Variants in COL22A1 observed in about 807,000 individuals in gnomAD.
COL22A1 encodes the protein collagen alpha-1(XXII) chain.
COL22A1 carries 221 observed loss-of-function variants against 248.9 expected under a neutral mutation model. The observed-to-expected ratio is 0.89, with a 90% CI of 0.80 to 0.99. COL22A1 has a LOEUF of 0.99. COL22A1 is among the 50% of genes least tolerant of loss of function. The probability of loss-of-function intolerance (pLI) is 0.00; values close to 1 mark genes in which losing one functional copy is unlikely to be tolerated. For missense variants in COL22A1, 2,240 were observed against 2,179.0 expected (o/e 1.03, Z -0.56); for synonymous variants, 891 against 793.4 (o/e 1.12, Z -2.07).
At chr8:138,861,433 T>C (rs1368155690) in intron 3 of COL22A1, among the ~76,000 whole-genome samples, 1 of 151,576 alleles carries the variant, frequency 6.6e-6, no homozygotes, top group Non-Finnish European at 1.5e-5. Context: ...ATCCACCCCC[T>C]CCCCTATCTA....
In COL22A1 at chr8:138,844,167, A is replaced by G; in HGVS notation, c.659-9T>C. ...GCTAGGACAGAGCACATCTGAGGAA[A>G]GCAAGAGGAAACAGAGACTGATGAG... is the stretch of plus-strand genomic sequence containing the variant. On this transcript the variant is annotated splice_polypyrimidine_tract_variant and intron_variant, in intron 3 of 64. Transcript: ENST00000303045. 6.2e-6 allele frequency: 10 copies of G among 1,613,930 alleles called. No homozygotes were observed. Among genetic ancestry groups the G allele is most frequent in the Non-Finnish European group, 8.5e-6 (10 of 1,179,754 alleles).
intron 16 of COL22A1, among the ~76,000 whole-genome samples, chr8:138,770,475 C>T (rs1412892209): frequency 6.6e-6 from 1 of 152,214 alleles, no homozygotes; most frequent in African/African-American, 2.4e-5. Context: ...CGTCTCCCTG[C>T]TTTACAGGGA....
At chr8:138,662,983 T>G (rs113243809) in intron 42 of COL22A1, among the ~76,000 whole-genome samples, 3 of 82,116 alleles carry the variant, frequency 3.7e-5, no homozygotes, top group African/African-American at 1.0e-4. Context: ...GCCACTGTAC[T>G]CCAGCCTGGT....
intron 25 of COL22A1, among the ~76,000 whole-genome samples, chr8:138,724,179 A>G (rs1471210045): frequency 6.6e-6 from 1 of 152,066 alleles, no homozygotes; most frequent in African/African-American, 2.4e-5. Flanking sequence ...GCCCCCTAAG[A>G]TCCCCCAGGT....
chr8:138,755,785 C>T lies in COL22A1; in HGVS notation c.1947G>A (p.Val649=). ...PAGPPGVPGS[V]VQQEGLKGEQ... is the part of the protein sequence containing the mutation. ...ATGATTCCAACCACTGCTGACTCAC[C>T]ACTGAGCCTGGTACACCAGGTGGCC... Residue 649 remains valine (V), a splice_region_variant and synonymous_variant, in exon 19 of 65, where the codon GTG becomes GTA. Transcript: ENST00000303045. The T allele has an allele frequency of 6.2e-7, 1 of 1,614,150 alleles. No individual in the cohort carries two copies. Among genetic ancestry groups the T allele is most frequent in the Non-Finnish European group, 8.5e-7 (1 of 1,179,994 alleles).
intron 41 of COL22A1, among the ~76,000 whole-genome samples, chr8:138,668,172 T>C (rs1379856494): frequency 6.6e-6 from 1 of 152,172 alleles, no homozygotes; most frequent in African/African-American, 2.4e-5. Context: ...AAGATTGTGG[T>C]TCTGTTTTTT....
At chr8:138,766,028 C>T (rs1304286044) in intron 16 of COL22A1, among the ~76,000 whole-genome samples, 2 of 152,246 alleles carry the variant, frequency 1.3e-5, no homozygotes, top group Middle Eastern at 6.3e-3. Flanking sequence ...CAGCCATCTG[C>T]TCATCCACCC....
chr8:138,821,588 C>G (rs1399612059), intron 6 of COL22A1, among the ~76,000 whole-genome samples, 177 bp from the exon 7 acceptor site: 5 of 152,194 alleles, frequency 3.3e-5, no homozygotes, highest in Non-Finnish European at 5.9e-5. Context: ...CCTCTGAGAG[C>G]CTCGGGTTCC....
At chr8:138,710,467 G>A (rs1207085595) in intron 30 of COL22A1, among the ~76,000 whole-genome samples, 1 of 152,062 alleles carries the variant, frequency 6.6e-6, no homozygotes, top group Non-Finnish European at 1.5e-5. Flanking sequence ...ACAATAATAT[G>A]ATTATAAAAT....
intron 11 of COL22A1, among the ~76,000 whole-genome samples, chr8:138,797,682 G>A (rs1472116649): frequency 6.6e-6 from 1 of 152,072 alleles, no homozygotes; most frequent in Admixed American, 6.6e-5. Flanking sequence ...CAAAGCAACT[G>A]CACCATATTA....
intron 12 of COL22A1, among the ~76,000 whole-genome samples, chr8:138,793,893 G>A (rs541846870): frequency 1.9e-4 from 29 of 152,312 alleles, no homozygotes; most frequent in African/African-American, 6.7e-4. Flanking sequence ...TTAGTTGAGA[G>A]GAAAGGCTGG....
rs543284261 is a variant in COL22A1, at chr8:138,838,704, T to C, written c.733+5380A>G. 1.3e-4 allele frequency among the ~76,000 whole-genome samples: 18 copies of C among 139,810 alleles called. No homozygotes were observed. In the South Asian group the frequency reaches 3.2e-3, roughly 25 times the overall value. The allele number at this position is 139,810 out of a possible 152,430, so 91.7% of individuals were successfully genotyped here. ...AAAAAGATAAATTGCCCAAAATAAA[T>C]AAGGGCTGGGAAGGAGAATAAAAAA... On this transcript the variant is annotated intron_variant, in intron 4 of 64. Transcript: ENST00000303045.
At chr8:138,793,129 T>A (rs1293492626) in intron 12 of COL22A1, among the ~76,000 whole-genome samples, 2 of 152,160 alleles carry the variant, frequency 1.3e-5, no homozygotes, top group African/African-American at 4.8e-5. Flanking sequence ...AATAAGAGTA[T>A]TACCATCCCT....
chr8:138,762,475 A>G lies in COL22A1; in HGVS notation c.1804-9T>C, dbSNP rs760722958. On this transcript the variant is annotated splice_polypyrimidine_tract_variant and intron_variant, in intron 16 of 64. Coordinates refer to ENST00000303045, the MANE Select transcript of COL22A1 (RefSeq NM_152888.3). ...TCCAGGCCTCGCTCTCCCTGGCAAA[A>G]GAAGGCAAATGGTGAAATAAAGAGG... 3 of 1,614,046 alleles carry G rather than the reference A, an allele frequency of 1.9e-6. No individual in the cohort carries two copies. In the Admixed American group the frequency reaches 5.0e-5, roughly 27 times the overall value.
chr8:138,762,378 T>G (rs951330558), intron 17 of COL22A1, 35 bp downstream of exon 17: 1 of 1,610,780 alleles, frequency 6.2e-7, no homozygotes, highest in Non-Finnish European at 8.5e-7. Flanking sequence ...TGACCGCTGA[T>G]GAAACCTAGC....
intron 1 of COL22A1, among the ~76,000 whole-genome samples, chr8:138,912,257 G>A (rs1178339477): frequency 6.6e-6 from 1 of 152,196 alleles, no homozygotes; most frequent in Non-Finnish European, 1.5e-5. Context: ...CAACTTGCAT[G>A]CAGCTGGGCA....
intron 56 of COL22A1, among the ~76,000 whole-genome samples, chr8:138,610,697 C>T (rs763395803): frequency 1.3e-5 from 2 of 152,114 alleles, no homozygotes; most frequent in Non-Finnish European, 2.9e-5. Flanking sequence ...TACGTGAAGC[C>T]CTGCACAATC....
Position 138,596,918 on chromosome 8 carries a change from C to T in COL22A1, c.4418G>A (p.Gly1473Glu), listed in dbSNP as rs1817582680. Residue 1473 changes from glycine to glutamate, a missense_variant, in exon 62 of 65, where the codon GGG becomes GAG. Transcript: ENST00000303045. ...TLRRLIQEEL[G>E]KQLETRLAYL... ...CAGATACTCACTTTCAAGCTGCTTCCCCAGCTCTTCTTGAATAAGCCGACG... is the reference window on the plus strand; with the variant it reads ...CAGATACTCACTTTCAAGCTGCTTCTCCAGCTCTTCTTGAATAAGCCGACG... The T allele has an allele frequency of 6.2e-7, 1 of 1,613,996 alleles. No individual in the cohort carries two copies. The highest frequency in any genetic ancestry group is 1.1e-5 in the South Asian group (1 of 91,062).
At chr8:138,778,589 C>T (rs2131512888) in intron 14 of COL22A1, among the ~76,000 whole-genome samples, 183 bp from the exon 15 acceptor site, 1 of 152,304 alleles carries the variant, frequency 6.6e-6, no homozygotes, top group East Asian at 1.9e-4. Flanking sequence ...GCTTCCCTTC[C>T]CTATTTAGAA....
Sources: gnomAD v4.1 joint callset for allele counts (sites outside exome capture counted in the v4.1 genomes callset) on GRCh38, gnomAD v4.1.1 for gene constraint, MANE v1.5 for transcripts, NCBI Gene and HGNC (gene_info 2026-07-23, HGNC 2026-07-21) for gene names.